Variants in GRID2 observed in about 807,000 individuals in gnomAD.
GRID2 encodes glutamate receptor ionotropic, delta-2.
A neutral mutation model predicts 114.8 loss-of-function variants in GRID2; 33 were observed. The ratio of observed to expected loss-of-function variants is 0.29; its 90% CI spans 0.22 to 0.38. The LOEUF (loss-of-function observed/expected upper bound fraction) is 0.38. GRID2 is among the 10% of genes least tolerant of loss of function. The probability of loss-of-function intolerance (pLI) is 1.00; values close to 1 mark genes in which losing one functional copy is unlikely to be tolerated. For synonymous variants in GRID2, 505 were observed against 449.9 expected, an observed-to-expected ratio of 1.12 and a Z score of -1.55; for missense variants, 1,184 against 1,257.7, an observed-to-expected ratio of 0.94 and a Z score of 0.89.
rs556131293 is a variant in GRID2 at position 93,410,272 on chromosome 4, C to A, written c.1348-12499C>A. Among the ~76,000 whole-genome samples, 38 of 152,198 alleles carry A rather than the reference C, an allele frequency of 2.5e-4. 1 individual carries two copies. The South Asian group carries it at 6.4e-3, about 26-fold the overall frequency. Reference sequence around the variant, plus strand: ...TATGTTCAAGGTAAAAAAAAGCATTCTTTTGCTCTGAATCTCCTTTATTCT... The same window carrying A: ...TATGTTCAAGGTAAAAAAAAGCATTATTTTGCTCTGAATCTCCTTTATTCT... On this transcript the variant is annotated intron_variant, in intron 9 of 15. Coordinates refer to ENST00000282020, the MANE Select transcript of GRID2 (RefSeq NM_001510.4).
chr4:93,117,437 CT>C (rs1207654468), intron 4 of GRID2, among the ~76,000 whole-genome samples: 1 of 151,986 alleles, frequency 6.6e-6, no homozygotes, highest in South Asian at 2.1e-4. Flanking sequence ...GCTTTATTAA[CT>C]GATTTTGTTT....
intron 4 of GRID2, among the ~76,000 whole-genome samples, chr4:93,189,937 T>C (rs941542216): frequency 6.6e-6 from 1 of 152,156 alleles, no homozygotes; most frequent in Non-Finnish European, 1.5e-5. Flanking sequence ...TGGTAACTTT[T>C]TCCCTTTGAA....
intron 1 of GRID2, among the ~76,000 whole-genome samples, chr4:93,784,750 C>T (rs1005724835): frequency 6.6e-6 from 1 of 151,698 alleles, no homozygotes; most frequent in Non-Finnish European, 1.5e-5. Context: ...ATATACCTAA[C>T]TGTGACATAA....
At chr4:92,977,802 G>T (rs1753964261) in intron 2 of GRID2, among the ~76,000 whole-genome samples, 1 of 152,120 alleles carries the variant, frequency 6.6e-6, no homozygotes, top group South Asian at 2.1e-4. Flanking sequence ...AATCAAGGGT[G>T]ATTTCCATAT....
In GRID2 at chr4:93,403,307, G is replaced by T. The variant is rs1173694962; in HGVS notation, c.1347+7599G>T. On this transcript the variant is annotated intron_variant, in intron 9 of 15. Coordinates refer to ENST00000282020, the MANE Select transcript of GRID2 (RefSeq NM_001510.4). ...TGGAAATACACAGGATAGCATTGTG[G>T]TTAAGAACACAGTTCCCACAGTTTC... 2.6e-5 allele frequency among the ~76,000 whole-genome samples: 4 copies of T among 152,138 alleles called. No homozygotes were observed. The East Asian group carries it at 7.7e-4, about 29-fold the overall frequency.
intron 1 of GRID2, among the ~76,000 whole-genome samples, chr4:92,429,647 A>C (rs1218720978): frequency 6.6e-6 from 1 of 152,122 alleles, no homozygotes; most frequent in African/African-American, 2.4e-5. Context: ...ATGGTAGTCT[A>C]TTTTTAGTTT....
intron 2 of GRID2, among the ~76,000 whole-genome samples, chr4:92,808,845 T>G (rs919563768): frequency 2.0e-5 from 3 of 151,844 alleles, no homozygotes; most frequent in Non-Finnish European, 4.4e-5. Flanking sequence ...AAACTTATAT[T>G]CTCAGTTGGA....
chr4:92,928,207 CTACAGCTGTT>C (rs1749972311), intron 2 of GRID2, among the ~76,000 whole-genome samples: 2 of 151,646 alleles, frequency 1.3e-5, no homozygotes, highest in Admixed American at 1.3e-4. Context: ...TTCCCACTAA[CTACAGCTGTT>C]TAGACCAATT....
chr4:92,428,973 G>A (rs995646787), intron 1 of GRID2, among the ~76,000 whole-genome samples: 15 of 151,962 alleles, frequency 9.9e-5, no homozygotes, highest in Admixed American at 2.0e-4. Flanking sequence ...CCATCAACCC[G>A]TCATATACAT....
chr4:92,497,545 G>A (rs1343579092), intron 1 of GRID2, among the ~76,000 whole-genome samples: 1 of 151,782 alleles, frequency 6.6e-6, no homozygotes, highest in African/African-American at 2.4e-5. Context: ...CAGATTGAAT[G>A]ATCTTTTACA....
chr4:92,569,033 G>A (rs62307853), intron 1 of GRID2, among the ~76,000 whole-genome samples: 17,384 of 151,936 alleles, frequency 0.11, 1,427 homozygotes, highest in African/African-American at 0.23. Context: ...ATAGGCAAAA[G>A]TGTGCCATGG....
intron 1 of GRID2, among the ~76,000 whole-genome samples, chr4:92,472,719 CTTCA>C (rs1412879307): frequency 2.0e-5 from 3 of 152,042 alleles, no homozygotes; most frequent in Non-Finnish European, 4.4e-5. Context: ...ATGCATTTTC[CTTCA>C]TTGTTTCAAT....
intron 2 of GRID2, among the ~76,000 whole-genome samples, chr4:93,071,229 C>A (rs367578573): frequency 1.3e-5 from 2 of 152,052 alleles, no homozygotes; most frequent in South Asian, 2.1e-4. Context: ...AAATGAGCTA[C>A]TAGGGCTAAC....
chr4:93,794,424 A>G (rs903091639), intron 1 of GRID2, among the ~76,000 whole-genome samples: 4 of 152,170 alleles, frequency 2.6e-5, no homozygotes, highest in Admixed American at 1.3e-4. Context: ...CATAGGGACA[A>G]CTTTGGGACA....
At chr4:92,971,953 G>A (rs904792031) in intron 2 of GRID2, among the ~76,000 whole-genome samples, 62 of 152,032 alleles carry the variant, frequency 4.1e-4, no homozygotes, top group Admixed American at 5.9e-4. Context: ...TAACACTTAG[G>A]TTGACTCCAC....
At position 92,811,060 on chromosome 4, in the gene GRID2, G is replaced by C. The variant is rs375458288; in HGVS notation, c.244+220774G>C. On this transcript the variant is annotated intron_variant, in intron 2 of 15. Transcript: ENST00000282020. ...GGCCTTCCAAAGTGCTGGAACTACA[G>C]GCATGAACTGCTGTGCCTGGCCTAG... 2.2e-4 allele frequency among the ~76,000 whole-genome samples: 33 copies of C among 152,238 alleles called. No homozygotes were observed. The East Asian group carries it at 5.0e-3, about 23-fold the overall frequency.
At chr4:92,632,128 CTT>C (rs1397313080) in intron 2 of GRID2, among the ~76,000 whole-genome samples, 10 of 152,210 alleles carry the variant, frequency 6.6e-5, no homozygotes, top group East Asian at 1.9e-4. Flanking sequence ...AATTTGAAGA[CTT>C]TGCGCTTTAA....
chr4:93,415,104 C>T (rs1192198782), intron 9 of GRID2, among the ~76,000 whole-genome samples: 2 of 152,078 alleles, frequency 1.3e-5, no homozygotes, highest in African/African-American at 4.8e-5. Flanking sequence ...TATGATTCAT[C>T]AACTCCAGTG....
rs747359105 is a variant in GRID2 at position 93,216,859 on chromosome 4, G to A, written c.911G>A (p.Arg304Gln). ...ISQRCFRGNH[R>Q]ISSTLCDPKD... is the part of the protein sequence containing the mutation. ...CAGCGGTGTTTCCGTGGCAACCATC[G>A]AATATCTTCAACATTGTGTGATCCA... Residue 304 changes from arginine (R) to glutamine (Q), a missense_variant, in exon 6 of 16, where the codon CGA (arginine) becomes CAA (glutamine). This residue lies in a region of GRID2 where 455 missense variants were observed against 429.5 expected (regional missense o/e 1.06). Transcript: ENST00000282020. 4.1e-5 allele frequency: 66 copies of A among 1,612,868 alleles called. No homozygotes were observed. The highest frequency in any genetic ancestry group is 3.8e-4 in the East Asian group (17 of 44,870).
Sources: gnomAD v4.1 joint callset for allele counts (sites outside exome capture counted in the v4.1 genomes callset) on GRCh38, gnomAD v4.1.1 for gene constraint, gnomAD v4.1.1 regional missense constraint, MANE v1.5 for transcripts, NCBI Gene and HGNC (gene_info 2026-07-23, HGNC 2026-07-21) for gene names.